SLC24A3: variants seen among roughly 807,000 people sequenced by gnomAD.
SLC24A3 encodes the protein sodium/potassium/calcium exchanger 3.
Under a neutral mutation model 75.8 loss-of-function variants are expected in SLC24A3, and 28 were observed. The observed-to-expected ratio is 0.37, with a 90% CI of 0.27 to 0.51. SLC24A3 has a LOEUF of 0.51. SLC24A3 is among the 20% of genes least tolerant of loss of function. The pLI, the probability that SLC24A3 is intolerant of heterozygous loss-of-function variation, is 0.94. For synonymous variants in SLC24A3, 372 were observed against 334.1 expected (o/e 1.11, Z -1.24); for missense variants, 663 against 847.8 (o/e 0.78, Z 2.71).
chr20:19,453,537 T>G (rs1987528992), intron 2 of SLC24A3, among the ~76,000 whole-genome samples: 1 of 152,216 alleles, frequency 6.6e-6, no homozygotes, highest in Admixed American at 6.5e-5. Context: ...GGTCCTTGAC[T>G]TCTGGCCTCA....
At chr20:19,445,824 G>C (rs1435793651) in intron 2 of SLC24A3, among the ~76,000 whole-genome samples, 2 of 152,100 alleles carry the variant, frequency 1.3e-5, no homozygotes, top group Non-Finnish European at 2.9e-5. Flanking sequence ...GAGGAGATGT[G>C]GGCAGTCCAC....
At chr20:19,290,041 GACC>G (rs1983900980) in intron 2 of SLC24A3, among the ~76,000 whole-genome samples, 1 of 152,110 alleles carries the variant, frequency 6.6e-6, no homozygotes, top group African/African-American at 2.4e-5. Context: ...GATGTCTTAG[GACC>G]ACCACCACCA....
At chr20:19,248,287 G>A (rs1042021991) in intron 1 of SLC24A3, among the ~76,000 whole-genome samples, 3 of 152,076 alleles carry the variant, frequency 2.0e-5, no homozygotes, top group Non-Finnish European at 4.4e-5. Flanking sequence ...CCCGCATCCC[G>A]TTCATCATGC....
At chr20:19,614,678 G>C (rs899767154) in intron 6 of SLC24A3, among the ~76,000 whole-genome samples, 8 of 152,324 alleles carry the variant, frequency 5.3e-5, no homozygotes, top group Admixed American at 2.6e-4. Context: ...AGCGTTGGGA[G>C]AGTGCACTCG....
At chr20:19,425,206 G>A (rs557877927) in intron 2 of SLC24A3, among the ~76,000 whole-genome samples, 1 of 152,232 alleles carries the variant, frequency 6.6e-6, no homozygotes, top group East Asian at 1.9e-4. Context: ...AGGAGGCTGA[G>A]GCAGGAGAAT....
At chr20:19,660,735 C>CAGCT (rs1051129490) in intron 7 of SLC24A3, among the ~76,000 whole-genome samples, 83 of 152,252 alleles carry the variant, frequency 5.5e-4, no homozygotes, top group African/African-American at 1.9e-3. Context: ...TGAGGTCCTT[C>CAGCT]AGCTCGTTGT....
At chr20:19,482,207 A>AGCCCACCTG (rs1398105173) in intron 2 of SLC24A3, among the ~76,000 whole-genome samples, 1 of 152,170 alleles carries the variant, frequency 6.6e-6, no homozygotes, top group African/African-American at 2.4e-5. Context: ...TGATCCTCCC[A>AGCCCACCTG]GCCCACCTGG....
At position 19,676,905 on chromosome 20, in the gene SLC24A3, C is replaced by G. The variant is rs112004240; in HGVS notation, c.767+3251C>G. ...AGCAGAGCCCCCTGCCACTGACAGT[C>G]ATGGGACCTCAGCCAAGTTCTTCAG... On this transcript the variant is annotated intron_variant, in intron 9 of 16. Coordinates refer to ENST00000328041, the MANE Select transcript of SLC24A3 (RefSeq NM_020689.4). Among the ~76,000 whole-genome samples, 13 of 152,342 alleles carry G rather than the reference C, an allele frequency of 8.5e-5. 1 individual carries two copies. The highest frequency in any genetic ancestry group is 3.1e-4 in the African/African-American group (13 of 41,578).
chr20:19,563,453 C>T (rs1371746706), intron 3 of SLC24A3, among the ~76,000 whole-genome samples: 1 of 152,134 alleles, frequency 6.6e-6, no homozygotes, highest in Non-Finnish European at 1.5e-5. Flanking sequence ...ATTGACTATG[C>T]TTGTGCCAGG....
chr20:19,440,136 A>G lies in SLC24A3; in HGVS notation c.272-75352A>G, dbSNP rs112990821. 4.5e-3 allele frequency among the ~76,000 whole-genome samples: 692 copies of G among 152,328 alleles called. 3 individuals carry two copies. Among genetic ancestry groups the G allele is most frequent in the South Asian group, 0.013 (63 of 4,832 alleles). On this transcript the variant is annotated intron_variant, in intron 2 of 16. Coordinates refer to ENST00000328041, the MANE Select transcript of SLC24A3 (RefSeq NM_020689.4). ...AAACAGACATCGTTCTAGAATTTGC[A>G]TTTTCTTATCTGGGTGAATTTAACT...
chr20:19,363,395 A>T (rs2122344509), intron 2 of SLC24A3, among the ~76,000 whole-genome samples: 1 of 152,384 alleles, frequency 6.6e-6, no homozygotes, highest in Middle Eastern at 3.4e-3. Flanking sequence ...CAGATATCTA[A>T]GTTCTAATGA....
intron 7 of SLC24A3, among the ~76,000 whole-genome samples, chr20:19,661,085 C>G (rs1446776516): frequency 6.6e-6 from 1 of 152,178 alleles, no homozygotes. Flanking sequence ...ACAAGGAAAA[C>G]AACGTGGAAA....
intron 2 of SLC24A3, among the ~76,000 whole-genome samples, chr20:19,389,608 A>G (rs1388843665): frequency 6.6e-6 from 1 of 152,124 alleles, no homozygotes; most frequent in Non-Finnish European, 1.5e-5. Flanking sequence ...TCTAACAGAC[A>G]TTCCCTTGTG....
chr20:19,287,836 C>T (rs1266608164), intron 2 of SLC24A3, among the ~76,000 whole-genome samples: 2 of 152,174 alleles, frequency 1.3e-5, no homozygotes, highest in Admixed American at 1.3e-4. Flanking sequence ...ATCCTAAATC[C>T]CAACTCCACC....
At chr20:19,261,747 C>T (rs962226641) in intron 1 of SLC24A3, 9 of 152,168 alleles carry the variant, frequency 5.9e-5, no homozygotes, top group African/African-American at 1.7e-4. Context: ...TTTATGCATT[C>T]GTAAGGCCAC....
At chr20:19,443,091 C>A (rs1415598112) in intron 2 of SLC24A3, among the ~76,000 whole-genome samples, 1 of 152,138 alleles carries the variant, frequency 6.6e-6, no homozygotes, top group East Asian at 1.9e-4. Context: ...TTACCATAGC[C>A]TTGTAAGAGA....
chr20:19,609,094 C>CA (rs2031637643), intron 6 of SLC24A3, among the ~76,000 whole-genome samples: 1 of 152,120 alleles, frequency 6.6e-6, no homozygotes, highest in Non-Finnish European at 1.5e-5. Context: ...TCTATCCCCC[C>CA]AAAGAAAATG....
intron 2 of SLC24A3, among the ~76,000 whole-genome samples, chr20:19,343,079 AAAAAAG>A (rs568748552): frequency 1.3e-5 from 2 of 148,890 alleles, no homozygotes; most frequent in African/African-American, 5.2e-5. Flanking sequence ...CAAAAAAAAA[AAAAAAG>A]AAAAAAGAAA....
chr20:19,453,064 C>G (rs1394063868), intron 2 of SLC24A3, among the ~76,000 whole-genome samples: 1 of 152,048 alleles, frequency 6.6e-6, no homozygotes, highest in Non-Finnish European at 1.5e-5. Context: ...GCCTGTAATC[C>G]CAGCTACTCA....
Sources: gnomAD v4.1 joint callset for allele counts (sites outside exome capture counted in the v4.1 genomes callset) on GRCh38, gnomAD v4.1.1 for gene constraint, MANE v1.5 for transcripts, NCBI Gene and HGNC (gene_info 2026-07-23, HGNC 2026-07-21) for gene names.